The following RFX4 variants were observed in gnomAD, a reference collection of about 807,000 sequenced individuals.
RFX4 encodes regulatory factor X4, also known as transcription factor RFX4.
Under a neutral mutation model 95.0 loss-of-function variants are expected in RFX4, and 10 were observed. The observed-to-expected ratio is 0.11, with a 90% CI of 0.06 to 0.18. The LOEUF is 0.18. RFX4 is among the 10% of genes least tolerant of loss of function. The pLI is 1.00. For missense variants in RFX4, 640 were observed against 922.0 expected (o/e 0.69, Z 3.96); for synonymous variants, 321 against 340.7 (o/e 0.94, Z 0.64).
At chr12:106,728,909 T>C (rs2042556729) in intron 13 of RFX4, among the ~76,000 whole-genome samples, 1 of 152,172 alleles carries the variant, frequency 6.6e-6, no homozygotes, top group Admixed American at 6.5e-5. Context: ...TCTTGTTGTT[T>C]GAAGGATTAA....
intron 8 of RFX4, among the ~76,000 whole-genome samples, chr12:106,701,987 G>A (rs544334168): frequency 6.6e-6 from 1 of 152,196 alleles, no homozygotes; most frequent in East Asian, 1.9e-4. Flanking sequence ...GGATGACAGA[G>A]CAAGACCCTG....
intron 8 of RFX4, among the ~76,000 whole-genome samples, chr12:106,704,217 C>G (rs532959480): frequency 2.6e-5 from 4 of 152,178 alleles, no homozygotes; most frequent in Admixed American, 6.5e-5. Context: ...CTACAATGTG[C>G]TAGGGACTAT....
In RFX4 at chr12:106,586,998, C is replaced by T. The variant is rs1022508232; in HGVS notation, c.43+3635C>T. Among the ~76,000 whole-genome samples the T allele has an allele frequency of 2.0e-5, 3 of 152,206 alleles. No homozygotes were observed. Among genetic ancestry groups the T allele is most frequent in the Admixed American group, 1.3e-4 (2 of 15,292 alleles). On this transcript the variant is annotated intron_variant, in intron 1 of 17. Coordinates refer to ENST00000392842, the MANE Select transcript of RFX4 (RefSeq NM_213594.3). This position sits in a 1 kb window ranked among gnomAD's most constrained non-coding sequence, Gnocchi z 5.6. ...GTGTGTGTGCGCGCGCGCGGGCGAA[C>T]GGGGCATGTGCGCCCCCATCTCTGC...
chr12:106,759,960 A>G (rs2043180782), intron 17 of RFX4, among the ~76,000 whole-genome samples: 2 of 152,020 alleles, frequency 1.3e-5, no homozygotes, highest in African/African-American at 4.8e-5. Context: ...GCTCTCACTC[A>G]CAGAGGAAGA....
chr12:106,640,044 T>C (rs1456504596), intron 3 of RFX4, among the ~76,000 whole-genome samples: 1 of 152,152 alleles, frequency 6.6e-6, no homozygotes, highest in Non-Finnish European at 1.5e-5. Context: ...ATGAAGGAAT[T>C]AAGGAATGAC....
intron 17 of RFX4, among the ~76,000 whole-genome samples, chr12:106,759,376 T>C (rs2043170019): frequency 6.6e-6 from 1 of 152,118 alleles, no homozygotes; most frequent in South Asian, 2.1e-4. Flanking sequence ...GGAGGTGAGG[T>C]GATACCCAGG....
At chr12:106,689,923 G>A (rs1452094602) in intron 7 of RFX4, among the ~76,000 whole-genome samples, 1 of 151,888 alleles carries the variant, frequency 6.6e-6, no homozygotes, top group African/African-American at 2.4e-5. Flanking sequence ...ATGGAGAGGA[G>A]GAAATGAGAA....
At chr12:106,614,477 C>CTGTGTGTGTGTGTGTGTG (rs34226201) in intron 2 of RFX4, among the ~76,000 whole-genome samples, 9 of 127,764 alleles carry the variant, frequency 7.0e-5, no homozygotes, top group African/African-American at 1.5e-4. Flanking sequence ...CGTCTTTTGC[C>CTGTGTGTGTGTGTGTGTG]TGTGTGTGTG....
intron 15 of RFX4, among the ~76,000 whole-genome samples, chr12:106,734,949 G>A (rs1429764183): frequency 1.3e-5 from 2 of 151,700 alleles, no homozygotes; most frequent in African/African-American, 2.4e-5. Flanking sequence ...ACCTGTGGTG[G>A]AGGCTGAGAT....
chr12:106,654,223 C>T lies in RFX4; in HGVS notation c.192-5C>T, dbSNP rs1473186642. On this transcript the variant is annotated splice_region_variant and splice_polypyrimidine_tract_variant and intron_variant, in intron 3 of 17. Coordinates refer to ENST00000392842, the MANE Select transcript of RFX4 (RefSeq NM_213594.3). ...TTTTTGCTCATTGGGCGTTTATTTC[C>T]CTAGGCTGGAGGAGAACTATGAGAT... The T allele has an allele frequency of 6.2e-7, 1 of 1,613,874 alleles. No individual in the cohort carries two copies. The highest frequency in any genetic ancestry group is 8.5e-7 in the Non-Finnish European group (1 of 1,179,884).
At chr12:106,601,333 G>A (rs371919639) in intron 1 of RFX4, 2 of 1,586,368 alleles carry the variant, frequency 1.3e-6, no homozygotes, top group Admixed American at 1.7e-5. Flanking sequence ...GGCCTCGACG[G>A]CGCCGTTCCA....
intron 3 of RFX4, chr12:106,645,739 A>C: frequency 2.5e-6 from 1 of 394,808 alleles, no homozygotes; most frequent in Non-Finnish European, 4.9e-6. Context: ...GTAACCGATA[A>C]CTGACATTTT....
chr12:106,662,350 G>A (rs1460750327), intron 4 of RFX4: 1 of 163,164 alleles, frequency 6.1e-6, no homozygotes, highest in African/African-American at 2.4e-5. Flanking sequence ...TTTGCCATCT[G>A]TATATCTCTT....
chr12:106,729,192 C>G (rs535140385), intron 13 of RFX4, among the ~76,000 whole-genome samples: 7 of 152,168 alleles, frequency 4.6e-5, no homozygotes, highest in Non-Finnish European at 8.8e-5. Context: ...TCCAAGCTTT[C>G]CATGCTAATT....
chr12:106,656,808 A>G (rs547535235), intron 4 of RFX4, among the ~76,000 whole-genome samples: 1 of 152,280 alleles, frequency 6.6e-6, no homozygotes, highest in East Asian at 1.9e-4. Context: ...CCCAAATGGC[A>G]TTTCAAAATA....
rs1369983181 is a variant in RFX4, at chr12:106,720,572, G to A, written c.1234-187G>A. Among the ~76,000 whole-genome samples the A allele has an allele frequency of 6.6e-6, 1 of 151,952 alleles. No homozygotes were observed. Among genetic ancestry groups the A allele is most frequent in the Non-Finnish European group, 1.5e-5 (1 of 67,996 alleles). ...TAATTTTTGTATTTTTTGTAGAGAT[G>A]GGGTTTCTGCCACGTTGCCCAGGCT... is the stretch of plus-strand genomic sequence containing the variant. On this transcript the variant is annotated intron_variant, in intron 12 of 17. Transcript: ENST00000392842. The surrounding 1 kb of genome is among the most constrained non-coding windows in gnomAD (Gnocchi z 4.2).
chr12:106,739,386 C>T (rs1355478795), intron 15 of RFX4, among the ~76,000 whole-genome samples: 1 of 152,030 alleles, frequency 6.6e-6, no homozygotes, highest in Non-Finnish European at 1.5e-5. Context: ...CATTTTTCAG[C>T]TGTGAAAAAG....
chr12:106,679,463 A>G (rs1055413493), intron 4 of RFX4, among the ~76,000 whole-genome samples: 1 of 128,644 alleles, frequency 7.8e-6, no homozygotes, highest in Admixed American at 7.6e-5. Context: ...TCAGAAAAAA[A>G]CAAAAAAAAA....
chr12:106,737,152 C>T (rs11113099), intron 15 of RFX4, among the ~76,000 whole-genome samples: 69 of 124,618 alleles, frequency 5.5e-4, no homozygotes, highest in African/African-American at 1.9e-3. Flanking sequence ...AGAATAGACT[C>T]GGAACTAAAG....
Sources: allele counts gnomAD v4.1 joint callset (sites outside exome capture counted in the v4.1 genomes callset), GRCh38; gene constraint gnomAD v4.1.1; non-coding constraint Gnocchi (gnomAD v3.1); transcripts MANE v1.5; gene names NCBI Gene and HGNC (gene_info 2026-07-23, HGNC 2026-07-21).